Variants in SIPA1L3 observed in about 807,000 individuals in gnomAD.
SIPA1L3 encodes the protein signal induced proliferation associated 1 like 3.
SIPA1L3 carries 59 observed loss-of-function variants against 150.1 expected under a neutral mutation model. The observed-to-expected ratio is 0.39, with a 90% CI of 0.32 to 0.49. The LOEUF (loss-of-function observed/expected upper bound fraction) is 0.49. SIPA1L3 is among the 20% of genes least tolerant of loss of function. SIPA1L3 has a pLI of 0.86. For synonymous variants in SIPA1L3, 1,070 were observed against 1,077.6 expected, an observed-to-expected ratio of 0.99 and a Z score of 0.14; for missense variants, 2,211 against 2,489.5, an observed-to-expected ratio of 0.89 and a Z score of 2.38.
chr19:38,099,501 A>G (rs1236001905), intron 4 of SIPA1L3, among the ~76,000 whole-genome samples: 1 of 152,162 alleles, frequency 6.6e-6, no homozygotes, highest in African/African-American at 2.4e-5. Context: ...ACCTCCTGGT[A>G]GGACCTGTTT....
chr19:37,940,229 C>T (rs1347433108), intron 1 of SIPA1L3, among the ~76,000 whole-genome samples: 1 of 150,736 alleles, frequency 6.6e-6, no homozygotes, highest in African/African-American at 2.4e-5. Context: ...TGCAGTGAGC[C>T]GAGATTGCAC....
rs1972942857 is a variant in SIPA1L3, at chr19:38,196,436, A to AGAGCATGGAGGTCAAGGGCG, written c.4841-1948_4841-1947insTGGAGGTCAAGGGCGGAGCA. ...AGGGCAGAGCATGGAGGTCAAGGGC[A>AGAGCATGGAGGTCAAGGGCG]GAGCAAGGAGGTCAAGGGCGGAGTG... On this transcript the variant is annotated intron_variant, in intron 18 of 21. Coordinates refer to ENST00000222345, the MANE Select transcript of SIPA1L3 (RefSeq NM_015073.3). 6.6e-5 allele frequency among the ~76,000 whole-genome samples: 9 copies of AGAGCATGGAGGTCAAGGGCG among 136,754 alleles called. No homozygotes were observed. The East Asian group carries it at 9.3e-4, about 14-fold the overall frequency. 89.7% of individuals were successfully genotyped at this position (136,754 alleles called of 152,430 possible).
chr19:37,950,076 CAAAAAAAAAA>C (rs35506284), intron 1 of SIPA1L3, among the ~76,000 whole-genome samples: 1 of 55,708 alleles, frequency 1.8e-5, no homozygotes, highest in African/African-American at 6.1e-5. Context: ...GACTGTGTCT[CAAAAAAAAAA>C]AAAAAAAAAA....
intron 1 of SIPA1L3, among the ~76,000 whole-genome samples, chr19:37,974,798 T>C (rs1197617092): frequency 1.3e-5 from 2 of 152,210 alleles, no homozygotes; most frequent in Admixed American, 1.3e-4. Flanking sequence ...GACACACAGG[T>C]GGCTCTTGTG....
chr19:38,125,128 C>G (rs900516066), intron 9 of SIPA1L3, among the ~76,000 whole-genome samples: 1 of 152,114 alleles, frequency 6.6e-6, no homozygotes, highest in Non-Finnish European at 1.5e-5. Flanking sequence ...CTCCACCTCC[C>G]GGGTTCAAGC....
rs376900947 is a variant in SIPA1L3 at position 38,130,587 on chromosome 19, G to A, written c.2958G>A (p.Thr986=). The change falls in exon 10 of 22, where the codon ACG becomes ACA. Residue 986 remains threonine (T), a synonymous_variant. Transcript: ENST00000222345. The part of the protein sequence containing the change: ...QLGFHVKYDG[T]VAEVEDYGFA... ...GCTTCCACGTGAAGTACGACGGCAC[G>A]GTGGCCGAGGTTGAGGACTATGGGT... The A allele has an allele frequency of 1.8e-4, 290 of 1,613,798 alleles. 4 individuals are homozygous for A. The highest frequency in any genetic ancestry group is 1.3e-3 in the South Asian group (119 of 91,076).
intron 1 of SIPA1L3, among the ~76,000 whole-genome samples, chr19:37,942,552 G>A (rs1464289581): frequency 1.4e-5 from 2 of 148,008 alleles, no homozygotes; most frequent in African/African-American, 2.5e-5. Flanking sequence ...GGCAGGAGAC[G>A]GGGGTGGCGG....
chr19:38,028,212 T>C (rs1357339109), intron 1 of SIPA1L3, among the ~76,000 whole-genome samples: 7 of 152,170 alleles, frequency 4.6e-5, no homozygotes, highest in African/African-American at 1.4e-4. Context: ...CATAAATTAA[T>C]AATATAAAGT....
At chr19:37,922,576 G>A (rs2046466251) in intron 1 of SIPA1L3, among the ~76,000 whole-genome samples, 1 of 151,600 alleles carries the variant, frequency 6.6e-6, no homozygotes, top group African/African-American at 2.4e-5. Flanking sequence ...TGTGTTTGTA[G>A]TAGAGACGGG....
chr19:38,001,691 G>A (rs1048137787), intron 1 of SIPA1L3, among the ~76,000 whole-genome samples: 7 of 152,226 alleles, frequency 4.6e-5, no homozygotes, highest in Admixed American at 4.6e-4. Context: ...GCCTCCCCAA[G>A]TGCTGGGATC....
chr19:38,014,059 TG>T (rs1252011417), intron 1 of SIPA1L3, among the ~76,000 whole-genome samples: 1 of 152,254 alleles, frequency 6.6e-6, no homozygotes, highest in Non-Finnish European at 1.5e-5. Context: ...GCATTCTGCC[TG>T]GGAGACCTTG....
chr19:38,050,638 C>T (rs1490736433), intron 2 of SIPA1L3, among the ~76,000 whole-genome samples: 1 of 152,184 alleles, frequency 6.6e-6, no homozygotes, highest in East Asian at 1.9e-4. Context: ...CTGGCTTCTC[C>T]TGGGTCGTCC....
chr19:37,938,603 CTTTTTCTT>C (rs1023419734), intron 1 of SIPA1L3, among the ~76,000 whole-genome samples: 13 of 147,264 alleles, frequency 8.8e-5, no homozygotes, highest in Non-Finnish European at 1.4e-4. Flanking sequence ...ACATCTGCTT[CTTTTTCTT>C]TTTTTCTTTT....
intron 2 of SIPA1L3, among the ~76,000 whole-genome samples, chr19:38,061,433 A>G (rs2145780652): frequency 6.6e-6 from 1 of 151,808 alleles, no homozygotes; most frequent in East Asian, 1.9e-4. Context: ...CTCCCTGCAG[A>G]TGTTGAGAAC....
chr19:38,003,454 A>G (rs1967861463), intron 1 of SIPA1L3, among the ~76,000 whole-genome samples: 1 of 152,214 alleles, frequency 6.6e-6, no homozygotes, highest in Non-Finnish European at 1.5e-5. Context: ...GTCTCTAGAT[A>G]AGCCCCACTT....
intron 19 of SIPA1L3, chr19:38,199,828 G>A (rs536518186): frequency 6.7e-6 from 1 of 148,886 alleles, no homozygotes; most frequent in African/African-American, 2.4e-5. Context: ...TGGTAGATGT[G>A]TTCATAGCAT....
At chr19:38,084,640 T>C (rs1032250780) in intron 3 of SIPA1L3, among the ~76,000 whole-genome samples, 58 of 144,116 alleles carry the variant, frequency 4.0e-4, no homozygotes, top group Admixed American at 6.2e-4. Context: ...TTTTTCTTTT[T>C]TTTTTTTTTT....
chr19:38,136,498 A>G (rs2005055), intron 10 of SIPA1L3, among the ~76,000 whole-genome samples: 88,550 of 151,828 alleles, frequency 0.58, 26,184 homozygotes, highest in East Asian at 0.74. Context: ...CAGCTACTCA[A>G]GAGGCTGAGG....
chr19:37,994,964 C>T (rs763361313), intron 1 of SIPA1L3, among the ~76,000 whole-genome samples: 8 of 152,242 alleles, frequency 5.3e-5, no homozygotes, highest in South Asian at 2.1e-4. Flanking sequence ...TGTGTGCAGG[C>T]GTTTCGTTCG....
Sources: allele counts gnomAD v4.1 joint callset (sites outside exome capture counted in the v4.1 genomes callset), GRCh38; gene constraint gnomAD v4.1.1; transcripts MANE v1.5; gene names NCBI Gene and HGNC (gene_info 2026-07-23, HGNC 2026-07-21).